The following NALF1 variants were observed in gnomAD, a reference collection of about 807,000 sequenced individuals.
The protein encoded by NALF1 is NALCN channel auxiliary factor 1.
In NALF1, 3 loss-of-function variants were observed where a neutral mutation model predicts 48.4. That is an observed-to-expected ratio of 0.06 (90% CI 0.03 to 0.16). The LOEUF (loss-of-function observed/expected upper bound fraction) is 0.16, where lower values mean the gene tolerates loss of function less well. Among genes scored for constraint, NALF1 ranks in the 10% least tolerant of loss-of-function variants. The pLI, the probability that NALF1 is intolerant of heterozygous loss-of-function variation, is 1.00. For missense variants in NALF1, 526 were observed against 571.5 expected (o/e 0.92, Z 0.81); for synonymous variants, 262 against 245.7 (o/e 1.07, Z -0.62).
At chr13:107,403,681 T>C (rs950182261) in intron 1 of NALF1, among the ~76,000 whole-genome samples, 1 of 151,602 alleles carries the variant, frequency 6.6e-6, no homozygotes, top group Non-Finnish European at 1.5e-5. Flanking sequence ...GAAGACAAGT[T>C]CTTCCACAAG....
chr13:107,854,868 CAAAAAAA>C (rs35071894), intron 1 of NALF1, among the ~76,000 whole-genome samples: 9 of 81,956 alleles, frequency 1.1e-4, no homozygotes, highest in African/African-American at 4.7e-4. Context: ...GGTTCCATCT[CAAAAAAA>C]AAAAAAAAGA....
chr13:107,236,671 G>GTCTA (rs72391192), intron 1 of NALF1, among the ~76,000 whole-genome samples: 3,815 of 140,592 alleles, frequency 0.027, 58 homozygotes, highest in Non-Finnish European at 0.029. Context: ...CCATCTGTCT[G>GTCTA]TCTATCTATC....
chr13:107,508,444 T>C (rs1875770671), intron 1 of NALF1, among the ~76,000 whole-genome samples: 2 of 151,844 alleles, frequency 1.3e-5, no homozygotes, highest in Admixed American at 1.3e-4. Flanking sequence ...TGAATAATAC[T>C]AATGATAAAA....
At chr13:107,839,736 C>T (rs550928582) in intron 1 of NALF1, among the ~76,000 whole-genome samples, 7 of 151,872 alleles carry the variant, frequency 4.6e-5, no homozygotes, top group African/African-American at 1.7e-4. Flanking sequence ...ATATTTTTGA[C>T]CCATAAAACA....
At chr13:107,499,581 A>G (rs909024931) in intron 1 of NALF1, among the ~76,000 whole-genome samples, 6 of 152,196 alleles carry the variant, frequency 3.9e-5, no homozygotes, top group Non-Finnish European at 8.8e-5. Context: ...ATCCTAGGTT[A>G]TATACCACAC....
chr13:107,464,980 C>A (rs1566353354), intron 1 of NALF1, among the ~76,000 whole-genome samples: 1 of 151,452 alleles, frequency 6.6e-6, no homozygotes, highest in Admixed American at 6.6e-5. Context: ...TTTATTTATT[C>A]ATTTATTCAT....
At chr13:107,666,886 T>A (rs1171807563) in intron 1 of NALF1, among the ~76,000 whole-genome samples, 2 of 152,144 alleles carry the variant, frequency 1.3e-5, no homozygotes, top group East Asian at 3.9e-4. Context: ...CTTTTCAAAC[T>A]GATGTCTTAT....
At chr13:107,199,012 C>T (rs1171204678) in intron 2 of NALF1, among the ~76,000 whole-genome samples, 3 of 151,700 alleles carry the variant, frequency 2.0e-5, no homozygotes, top group Admixed American at 6.6e-5. Flanking sequence ...CAAAGGGGTG[C>T]CATGAGGCTT....
At chr13:107,179,228 G>T (rs9558964) in intron 2 of NALF1, among the ~76,000 whole-genome samples, 38,917 of 152,106 alleles carry the variant, frequency 0.26, 5,571 homozygotes, top group African/African-American at 0.39. Flanking sequence ...AGATGGAAAT[G>T]GAGGTCATTA....
At chr13:107,357,976 C>T (rs1055635421) in intron 1 of NALF1, among the ~76,000 whole-genome samples, 2 of 152,034 alleles carry the variant, frequency 1.3e-5, no homozygotes, top group Non-Finnish European at 2.9e-5. Context: ...TTCAGTATCC[C>T]ATTTGGGCCA....
At chr13:107,727,830 C>G (rs929988088) in intron 1 of NALF1, among the ~76,000 whole-genome samples, 2 of 151,454 alleles carry the variant, frequency 1.3e-5, no homozygotes, top group Non-Finnish European at 2.9e-5. Flanking sequence ...AACAAATTTA[C>G]AAGAAAAAAA....
In NALF1 at chr13:107,577,215, C is replaced by T. The variant is rs80311686; in HGVS notation, c.915+288467G>A. ...TTGGACTTTAAAATTTCATCATTCT[C>T]ATCTGCATGTTGGAAGGTGGTTCAC... On this transcript the variant is annotated intron_variant, in intron 1 of 2. Coordinates refer to ENST00000375915, the MANE Select transcript of NALF1 (RefSeq NM_001080396.3). 1.2e-3 allele frequency among the ~76,000 whole-genome samples: 177 copies of T among 152,236 alleles called. 1 individual carries two copies. Among genetic ancestry groups the T allele is most frequent in the African/African-American group, 3.6e-3 (151 of 41,552 alleles).
Position 107,358,413 on chromosome 13 carries a change from T to G in NALF1, c.916-147658A>C, listed in dbSNP as rs144760104. On this transcript the variant is annotated intron_variant, in intron 1 of 2. Transcript: ENST00000375915. ...CAGGTGAAAAACATTTAGCAGTGCA[T>G]GATATTTAGTAAATGCTCAGAAACA... 1.5e-3 allele frequency among the ~76,000 whole-genome samples: 226 copies of G among 152,288 alleles called. 1 individual carries two copies. Among genetic ancestry groups the G allele is most frequent in the African/African-American group, 5.1e-3 (210 of 41,570 alleles).
chr13:107,256,367 ACAC>A (rs1880814803), intron 1 of NALF1, among the ~76,000 whole-genome samples: 1 of 152,188 alleles, frequency 6.6e-6, no homozygotes, highest in Admixed American at 6.5e-5. Flanking sequence ...GGGAGTATTT[ACAC>A]CACAGAAACT....
chr13:107,382,015 A>G (rs979881132), intron 1 of NALF1, among the ~76,000 whole-genome samples: 2 of 151,990 alleles, frequency 1.3e-5, no homozygotes, highest in African/African-American at 2.4e-5. Context: ...TTTTTCTTCT[A>G]CCTCTCACCT....
chr13:107,347,207 C>T (rs1302105305), intron 1 of NALF1, among the ~76,000 whole-genome samples: 4 of 152,184 alleles, frequency 2.6e-5, no homozygotes, highest in Non-Finnish European at 5.9e-5. Flanking sequence ...TCCAAAGATC[C>T]TCAAGTTGAT....
At chr13:107,727,981 T>C (rs1252980675) in intron 1 of NALF1, among the ~76,000 whole-genome samples, 1 of 152,116 alleles carries the variant, frequency 6.6e-6, no homozygotes, top group Non-Finnish European at 1.5e-5. Context: ...AAAACCACAA[T>C]GAGATACCAT....
At position 107,442,005 on chromosome 13, in the gene NALF1, G is replaced by A. The variant is rs368647624; in HGVS notation, c.916-231250C>T. On this transcript the variant is annotated intron_variant, in intron 1 of 2. Transcript: ENST00000375915. The stretch of plus-strand genomic sequence containing the variant: ...AAGAACTCAAAGTTAAAGTATTAGA[G>A]ACCAACATATATTTTTAAGAGAGCC... Among the ~76,000 whole-genome samples the A allele has an allele frequency of 2.6e-5, 4 of 152,284 alleles. No individual in the cohort carries two copies. In the East Asian group the frequency reaches 5.8e-4, roughly 22 times the overall value.
chr13:107,545,224 G>A (rs1485257005), intron 1 of NALF1, among the ~76,000 whole-genome samples: 2 of 152,184 alleles, frequency 1.3e-5, no homozygotes, highest in Admixed American at 1.3e-4. Context: ...ACAATATGGA[G>A]AGACACAGGG....
Sources: allele counts gnomAD v4.1 joint callset (sites outside exome capture counted in the v4.1 genomes callset), GRCh38; gene constraint gnomAD v4.1.1; transcripts MANE v1.5; gene names NCBI Gene and HGNC (gene_info 2026-07-23, HGNC 2026-07-21).